SPATA33: variants seen among roughly 807,000 people sequenced by gnomAD.
SPATA33 encodes the protein spermatogenesis associated 33.
A neutral mutation model predicts 8.9 loss-of-function variants in SPATA33; 10 were observed. The observed-to-expected ratio is 1.12, with a 90% CI of 0.69 to 1.90. SPATA33 has a LOEUF of 1.90. Ranked by LOEUF, SPATA33 falls within the 40% of genes most tolerant of loss-of-function variation. The pLI is 0.00. For missense variants in SPATA33, 241 were observed against 178.3 expected, an observed-to-expected ratio of 1.35 and a Z score of -2.00; for synonymous variants, 96 against 72.8, an observed-to-expected ratio of 1.32 and a Z score of -1.63.
chr16:89,664,827 G>T (rs572473030), intron 2 of SPATA33, among the ~76,000 whole-genome samples: 2 of 152,190 alleles, frequency 1.3e-5, no homozygotes, highest in Admixed American at 6.5e-5. Context: ...ATGCAGTGCA[G>T]CCGGCCCCTG....
intron 2 of SPATA33, among the ~76,000 whole-genome samples, chr16:89,669,000 T>A (rs2060062365): frequency 1.3e-5 from 2 of 152,080 alleles, no homozygotes. Context: ...CCTCCCTCCT[T>A]CCTTTGCTGG....
rs2060085681 is a variant in SPATA33 at position 89,670,262 on chromosome 16, A to AC, written c.*770dup. 1.9e-5 allele frequency: 1 copy of AC among 52,240 alleles called. No homozygotes were observed. Among genetic ancestry groups the AC allele is most frequent in the Non-Finnish European group, 3.9e-5 (1 of 25,908 alleles). The allele number at this position is 52,240 out of a possible 1,614,324, so 3.2% of individuals were successfully genotyped here. The stretch of plus-strand genomic sequence containing the variant: ...GCCTGCCCACCCTGTGAGAAACTGC[A>AC]CCCCCTTCTCCAGTGCTCTCGGGGA... On this transcript the variant is annotated 3_prime_UTR_variant, in exon 3 of 3. Coordinates refer to ENST00000579310, the MANE Select transcript of SPATA33 (RefSeq NM_001271907.2).
At position 89,669,886 on chromosome 16, in the gene SPATA33, A is replaced by G. The variant is rs1321501935; in HGVS notation, c.*389A>G. ...TACACCAGGGTTGCCCCACCCTGTG[A>G]GAAGCCACCGCCCCCTTCTCCAGTG... On this transcript the variant is annotated 3_prime_UTR_variant, in exon 3 of 3. Coordinates refer to ENST00000579310, the MANE Select transcript of SPATA33 (RefSeq NM_001271907.2). 3.6e-5 allele frequency: 8 copies of G among 224,872 alleles called. No homozygotes were observed. In the South Asian group the frequency reaches 4.4e-4, roughly 12 times the overall value. The allele number at this position is 224,872 out of a possible 1,614,324, so 13.9% of individuals were successfully genotyped here.
At chr16:89,660,963 A>G (rs1165254081) in intron 2 of SPATA33, 2 of 1,006,564 alleles carry the variant, frequency 2.0e-6, no homozygotes, top group African/African-American at 3.4e-5. Flanking sequence ...ATCAGTGTCC[A>G]GCCCCAAGAG....
rs1301400884 is a variant in SPATA33, at chr16:89,660,393, AAGG to A, written c.211+1977_211+1979del. The A allele has an allele frequency of 4.6e-6, 5 of 1,089,104 alleles. No homozygotes were observed. In the African/African-American group the frequency reaches 8.1e-5, roughly 18 times the overall value. 67.5% of individuals were successfully genotyped at this position (1,089,104 alleles called of 1,614,324 possible). Reference sequence around the variant, plus strand: ...CCTCTGCCAGTAACGGAAGTGGGGGAAGGAGGACCGCCTGTTGGAAGGGCCCCA... The same window carrying A: ...CCTCTGCCAGTAACGGAAGTGGGGGAAGGACCGCCTGTTGGAAGGGCCCCA... On this transcript the variant is annotated intron_variant, in intron 2 of 2. Coordinates refer to ENST00000579310, the MANE Select transcript of SPATA33 (RefSeq NM_001271907.2).
rs1220832071 is a variant in SPATA33, at chr16:89,669,559, C to A, written c.*62C>A. The A allele has an allele frequency of 1.1e-4, 174 of 1,544,968 alleles. No homozygotes were observed. In the East Asian group the frequency reaches 3.6e-3, roughly 32 times the overall value. ...ATAGGCGTCTCGGGAACAGCCGCCT[C>A]ACCCTGTGAGAAGCCGAGGCCCCTT... On this transcript the variant is annotated 3_prime_UTR_variant, in exon 3 of 3. Coordinates refer to ENST00000579310, the MANE Select transcript of SPATA33 (RefSeq NM_001271907.2).
intron 2 of SPATA33, among the ~76,000 whole-genome samples, chr16:89,663,078 C>T (rs1254604894): frequency 6.6e-6 from 1 of 152,026 alleles, no homozygotes; most frequent in Non-Finnish European, 1.5e-5. Context: ...AGGTGTGAGC[C>T]ACCACGCCCG....
chr16:89,669,475 A>G lies in SPATA33; in HGVS notation c.401A>G (p.Tyr134Cys), dbSNP rs771118755. ...RHRNPSTADAYNSHLKE is the reference protein window; with the variant it reads ...RHRNPSTADACNSHLKE ...AGGAACCCCAGTACAGCAGACGCCTATAATTCACATCTCAAAGAATAAACA... is the reference window on the plus strand; with the variant it reads ...AGGAACCCCAGTACAGCAGACGCCTGTAATTCACATCTCAAAGAATAAACA... Residue 134 changes from tyrosine to cysteine, a missense_variant, in exon 3 of 3, where the codon TAT becomes TGT. Tyr to Cys is a radical substitution (Grantham distance 194, BLOSUM62 -2). Transcript: ENST00000579310. 12 of 1,612,922 alleles carry G rather than the reference A, an allele frequency of 7.4e-6. No homozygotes were observed. The highest frequency in any genetic ancestry group is 2.2e-5 in the East Asian group (1 of 44,904).
chr16:89,659,512 A>T (rs75040498), intron 2 of SPATA33: 1 of 152,220 alleles, frequency 6.6e-6, no homozygotes, highest in Non-Finnish European at 1.5e-5. Context: ...TGTCTCTACT[A>T]AAAATACAAA....
intron 2 of SPATA33, among the ~76,000 whole-genome samples, chr16:89,666,593 G>T (rs543335075): frequency 6.6e-6 from 1 of 152,122 alleles, no homozygotes; most frequent in Non-Finnish European, 1.5e-5. Flanking sequence ...ATGAGAGAGC[G>T]TAGAAATAAA....
intron 2 of SPATA33, among the ~76,000 whole-genome samples, chr16:89,663,050 C>G (rs971730946): frequency 6.6e-6 from 1 of 151,636 alleles, no homozygotes; most frequent in African/African-American, 2.4e-5. Flanking sequence ...CCTCAGCCTC[C>G]CAAAGTGCCA....
At chr16:89,661,161 G>A in intron 2 of SPATA33, 1 of 985,468 alleles carries the variant, frequency 1.0e-6, no homozygotes, top group Non-Finnish European at 1.2e-6. Context: ...CCATGATGGG[G>A]AGAAAGTTTG....
At position 89,665,752 on chromosome 16, in the gene SPATA33, G is replaced by A. The variant is rs567112343; in HGVS notation, c.212-3534G>A. 2.8e-3 allele frequency among the ~76,000 whole-genome samples: 433 copies of A among 152,146 alleles called. 2 individuals carry two copies. Among genetic ancestry groups the A allele is most frequent in the Non-Finnish European group, 4.9e-3 (333 of 68,012 alleles). Reference sequence around the variant, plus strand: ...AAGTCAAAACACAAAAGATCTTTTGGGAATATGAGCAGATTATTCAAAGGT... The same window carrying A: ...AAGTCAAAACACAAAAGATCTTTTGAGAATATGAGCAGATTATTCAAAGGT... On this transcript the variant is annotated intron_variant, in intron 2 of 2. Transcript: ENST00000579310.
intron 2 of SPATA33, chr16:89,661,007 C>A: frequency 1.0e-6 from 1 of 992,552 alleles, no homozygotes; most frequent in Non-Finnish European, 1.2e-6. Context: ...CTTCACATGC[C>A]TCCAACTGCC....
At chr16:89,665,253 C>T (rs1295995991) in intron 2 of SPATA33, among the ~76,000 whole-genome samples, 1 of 151,984 alleles carries the variant, frequency 6.6e-6, no homozygotes, top group Middle Eastern at 3.4e-3. Context: ...CTTCAGCCTC[C>T]CAAGGTGCTG....
chr16:89,658,594 C>G, intron 2 of SPATA33, 173 bp downstream of exon 2: 2 of 839,620 alleles, frequency 2.4e-6, no homozygotes, highest in Non-Finnish European at 3.6e-6. Context: ...ATCCAGAAAT[C>G]TTAGTTGAAA....
Position 89,669,371 on chromosome 16 carries a change from A to G in SPATA33, c.297A>G (p.Leu99=), listed in dbSNP as rs960778019. ...TCACGCGAGCGTCGAATGAGACGCT[A>G]GTCAGTTGCAGTTCCAGCGGGAGTG... ...IIITRASNET[L]VSCSSSGSDQ... Residue 99 remains leucine, a synonymous_variant, in exon 3 of 3, where the codon CTA becomes CTG. Coordinates refer to ENST00000579310, the MANE Select transcript of SPATA33 (RefSeq NM_001271907.2). The G allele has an allele frequency of 1.2e-6, 2 of 1,614,104 alleles. No individual in the cohort carries two copies. Among genetic ancestry groups the G allele is most frequent in the African/African-American group, 1.3e-5 (1 of 74,928 alleles).
Position 89,670,124 on chromosome 16 carries a change from G to C in SPATA33, c.*627G>C, listed in dbSNP as rs931967484. ...GGGTACACCAGGCCCGCCCCACCCT[G>C]TGAGAAGCCGTGGCCCCCTTCTCCC... On this transcript the variant is annotated 3_prime_UTR_variant, in exon 3 of 3. Coordinates refer to ENST00000579310, the MANE Select transcript of SPATA33 (RefSeq NM_001271907.2). 6.8e-6 allele frequency: 1 copy of C among 147,310 alleles called. No individual in the cohort carries two copies. The highest frequency in any genetic ancestry group is 6.7e-5 in the Admixed American group (1 of 14,896). The allele number at this position is 147,310 out of a possible 1,614,324, so 9.1% of individuals were successfully genotyped here. A position where few individuals can be genotyped will look rare whatever the true frequency, so the allele number is the denominator to read the frequency against.
intron 2 of SPATA33, chr16:89,668,187 C>T (rs981155540): frequency 1.3e-5 from 2 of 152,326 alleles, no homozygotes; most frequent in Non-Finnish European, 2.9e-5. Flanking sequence ...TGGCAGGAGC[C>T]TGTAGTCCCA....
Sources: allele counts gnomAD v4.1 joint callset (sites outside exome capture counted in the v4.1 genomes callset), GRCh38; gene constraint gnomAD v4.1.1; transcripts MANE v1.5; gene names NCBI Gene and HGNC (gene_info 2026-07-23, HGNC 2026-07-21).